Variants in SOX5 observed in about 807,000 individuals in gnomAD.
SOX5 encodes the protein transcription factor SOX-5.
SOX5 carries 9 observed loss-of-function variants against 92.0 expected under a neutral mutation model. The observed-to-expected ratio is 0.10, with a 90% confidence interval of 0.06 to 0.17. The LOEUF is 0.17. Among genes scored for constraint, SOX5 ranks in the 10% least tolerant of loss-of-function variants. The pLI is 1.00. For synonymous variants in SOX5, 344 were observed against 336.3 expected, an observed-to-expected ratio of 1.02 and a Z score of -0.25; for missense variants, 642 against 944.5, an observed-to-expected ratio of 0.68 and a Z score of 4.20.
intron 11 of SOX5, among the ~76,000 whole-genome samples, chr12:23,550,340 T>C (rs1434886946): frequency 2.0e-5 from 3 of 151,956 alleles, no homozygotes; most frequent in Admixed American, 6.6e-5. Flanking sequence ...CATACTGCTT[T>C]AGACAAATAT....
At chr12:24,313,277 C>T (rs143726079) in intron 2 of SOX5, among the ~76,000 whole-genome samples, 32 of 152,274 alleles carry the variant, frequency 2.1e-4, no homozygotes, top group African/African-American at 7.0e-4. Context: ...CCTGTAACCC[C>T]AGCACTTTGG....
chr12:24,337,536 C>T (rs889784204), intron 2 of SOX5, among the ~76,000 whole-genome samples: 4 of 151,982 alleles, frequency 2.6e-5, no homozygotes, highest in African/African-American at 9.7e-5. Context: ...GACAGGGTTT[C>T]ACCATGTTGG....
At chr12:24,480,842 T>G (rs995919144) in intron 1 of SOX5, among the ~76,000 whole-genome samples, 1 of 152,052 alleles carries the variant, frequency 6.6e-6, no homozygotes, top group African/African-American at 2.4e-5. Flanking sequence ...TGGTGACCTG[T>G]TTGGAGTTTC....
At chr12:23,741,698 T>G (rs1289406912) in intron 4 of SOX5, among the ~76,000 whole-genome samples, 1 of 152,082 alleles carries the variant, frequency 6.6e-6, no homozygotes, top group Non-Finnish European at 1.5e-5. Flanking sequence ...TCTTCGAAAA[T>G]AAAATACAGT....
intron 2 of SOX5, among the ~76,000 whole-genome samples, chr12:23,894,224 C>CTAT (rs141143701): frequency 0.061 from 9,192 of 151,590 alleles, 358 homozygotes; most frequent in Middle Eastern, 0.096. Context: ...TAAAACATTA[C>CTAT]TATTATTATT....
At chr12:23,628,330 C>T (rs1055750754) in intron 8 of SOX5, among the ~76,000 whole-genome samples, 4 of 151,872 alleles carry the variant, frequency 2.6e-5, no homozygotes, top group African/African-American at 7.3e-5. Context: ...AGTGAAATTT[C>T]GGATGGAATT....
chr12:23,763,327 A>G (rs2094615421), intron 3 of SOX5, among the ~76,000 whole-genome samples: 1 of 152,164 alleles, frequency 6.6e-6, no homozygotes, highest in African/African-American at 2.4e-5. Flanking sequence ...TTACAACTAC[A>G]ACTTACTATA....
intron 1 of SOX5, among the ~76,000 whole-genome samples, chr12:24,461,450 A>T (rs932746178): frequency 6.6e-6 from 1 of 152,206 alleles, no homozygotes; most frequent in African/African-American, 2.4e-5. Flanking sequence ...ATGGGTCATC[A>T]TGTCATTGTA....
At chr12:23,915,567 T>C (rs2097405043) in intron 1 of SOX5, among the ~76,000 whole-genome samples, 1 of 152,170 alleles carries the variant, frequency 6.6e-6, no homozygotes, top group South Asian at 2.1e-4. Context: ...CAATTAAGTT[T>C]AAAACAAATC....
intron 4 of SOX5, among the ~76,000 whole-genome samples, chr12:24,152,875 T>C (rs1468468370): frequency 2.0e-5 from 3 of 152,098 alleles, no homozygotes; most frequent in Non-Finnish European, 2.9e-5. Context: ...TGTAATCATA[T>C]CTAATTAGAG....
At chr12:23,861,974 A>C (rs905045488) in intron 2 of SOX5, among the ~76,000 whole-genome samples, 1 of 152,188 alleles carries the variant, frequency 6.6e-6, no homozygotes, top group Non-Finnish European at 1.5e-5. Flanking sequence ...TCATCTTTTT[A>C]ATTAATTATA....
chr12:24,260,306 C>T (rs1941898111), intron 3 of SOX5, among the ~76,000 whole-genome samples: 1 of 152,182 alleles, frequency 6.6e-6, no homozygotes. Flanking sequence ...GAATAGAGAT[C>T]TCGTTTCCAC....
intron 4 of SOX5, among the ~76,000 whole-genome samples, chr12:24,152,035 T>C (rs527745450): frequency 6.6e-6 from 1 of 152,208 alleles, no homozygotes; most frequent in East Asian, 1.9e-4. Flanking sequence ...CATTTAAAAC[T>C]CCCAGTCTTC....
chr12:24,022,798 A>G (rs1462664979), intron 4 of SOX5, among the ~76,000 whole-genome samples: 1 of 152,116 alleles, frequency 6.6e-6, no homozygotes, highest in Admixed American at 6.6e-5. Flanking sequence ...AAAAGCATTT[A>G]AGTATATTGT....
At chr12:24,269,091 T>C (rs1943374485) in intron 3 of SOX5, among the ~76,000 whole-genome samples, 1 of 152,204 alleles carries the variant, frequency 6.6e-6, no homozygotes, top group Non-Finnish European at 1.5e-5. Context: ...TATATAGAAC[T>C]CACTTGACAA....
intron 6 of SOX5, among the ~76,000 whole-genome samples, chr12:23,700,406 T>C (rs768351073): frequency 6.6e-6 from 1 of 152,158 alleles, no homozygotes; most frequent in African/African-American, 2.4e-5. Context: ...TTTTTCTCTC[T>C]TGAGACTTTT....
intron 4 of SOX5, among the ~76,000 whole-genome samples, chr12:24,082,868 A>T (rs931739602): frequency 3.3e-5 from 5 of 151,902 alleles, no homozygotes; most frequent in Non-Finnish European, 7.4e-5. Flanking sequence ...TAAACCACTA[A>T]TTATTAGAAG....
chr12:23,553,084 C>G (rs1565755745), intron 11 of SOX5, among the ~76,000 whole-genome samples: 1 of 151,864 alleles, frequency 6.6e-6, no homozygotes, highest in South Asian at 2.1e-4. Context: ...TTTCTCTATT[C>G]ATAAAAGATA....
chr12:23,669,566 C>T (rs1223514914), intron 6 of SOX5, among the ~76,000 whole-genome samples: 1 of 151,152 alleles, frequency 6.6e-6, no homozygotes, highest in African/African-American at 2.4e-5. Context: ...TGGAGAGACC[C>T]AGCGTAGAGA....
Sources: gnomAD v4.1 joint callset for allele counts (sites outside exome capture counted in the v4.1 genomes callset) on GRCh38, gnomAD v4.1.1 for gene constraint, MANE v1.5 for transcripts, NCBI Gene and HGNC (gene_info 2026-07-23, HGNC 2026-07-21) for gene names.